OR1J2: variants seen among roughly 807,000 people sequenced by gnomAD.
OR1J2 encodes olfactory receptor family 1 subfamily J member 2, also known as olfactory receptor 1J2.
For missense variants in OR1J2, 304 were observed against 246.1 expected (o/e 1.24, Z -1.57); for synonymous variants, 142 against 99.7 (o/e 1.42, Z -2.52).
upstream of OR1J2, among the ~76,000 whole-genome samples, chr9:122,508,234 T>C (rs377215866): frequency 1.2e-4 from 18 of 150,588 alleles, no homozygotes; most frequent in East Asian, 3.1e-3. Context: ...AAGGAGAAGA[T>C]TAGGAAAAGG....
rs1318770090 is a variant in OR1J2 at position 122,511,307 on chromosome 9, G to A, written c.506G>A (p.Cys169Tyr). The A allele has an allele frequency of 1.4e-6, 1 of 731,412 alleles. No individual in the cohort carries two copies. Among genetic ancestry groups the A allele is most frequent in the Admixed American group, 1.9e-5 (1 of 51,782 alleles). The allele number at this position is 731,412 out of a possible 1,614,324, so 45.3% of individuals were successfully genotyped here. A position where few individuals can be genotyped will look rare whatever the true frequency, so the allele number is the denominator to read the frequency against. Reference sequence around the variant, plus strand: ...CTTCTCCTGACCCGGCTGTCTTTCTGTGCTGCGAACACCATCCCCCATGTC... The same window carrying A: ...CTTCTCCTGACCCGGCTGTCTTTCTATGCTGCGAACACCATCCCCCATGTC... The part of the protein sequence containing the change: ...HTLLLTRLSF[C>Y]AANTIPHVFC... The change falls in exon 1 of 1, where the codon TGT (cysteine) becomes TAT (tyrosine). Residue 169 changes from cysteine to tyrosine, a missense_variant. Cys to Tyr is a radical substitution (Grantham distance 194). Transcript: ENST00000335302.
upstream of OR1J2, among the ~76,000 whole-genome samples, chr9:122,509,245 C>T (rs2119376158): frequency 6.6e-6 from 1 of 152,264 alleles, no homozygotes; most frequent in Middle Eastern, 3.4e-3. Context: ...ATTCTGCTTA[C>T]CACAGCTGAC....
chr9:122,488,427 C>T, the OR1J2 span, among the ~76,000 whole-genome samples: 1 of 152,230 alleles, frequency 6.6e-6, no homozygotes, highest in Non-Finnish European at 1.5e-5. Context: ...GCGTGAGCCA[C>T]CGCTCCTGGC....
the OR1J2 span, among the ~76,000 whole-genome samples, chr9:122,564,154 C>T: frequency 4.1e-3 from 617 of 152,220 alleles, 2 homozygotes; most frequent in Middle Eastern, 0.01. Context: ...AGACACGAAA[C>T]ATCACTGTTG....
At chr9:122,479,437 A>G in the OR1J2 span, among the ~76,000 whole-genome samples, 1 of 152,224 alleles carries the variant, frequency 6.6e-6, no homozygotes, top group African/African-American at 2.4e-5. Flanking sequence ...ATGACATCAG[A>G]TGCTGTATTA....
At chr9:122,566,583 G>A in the OR1J2 span, among the ~76,000 whole-genome samples, 4 of 152,132 alleles carry the variant, frequency 2.6e-5, no homozygotes, top group South Asian at 8.3e-4. Context: ...TATGGAATTA[G>A]TCATAGCATC....
At chr9:122,530,462 C>T in the OR1J2 span, among the ~76,000 whole-genome samples, 30 of 152,320 alleles carry the variant, frequency 2.0e-4, no homozygotes, top group African/African-American at 6.7e-4. Flanking sequence ...CCCTAGTGCC[C>T]TGTTAGTGTT....
the OR1J2 span, chr9:122,553,493 C>A: frequency 6.2e-7 from 1 of 1,613,930 alleles, no homozygotes; most frequent in Non-Finnish European, 8.5e-7. Context: ...AGAGTCAGAT[C>A]ATCTCGTATT....
chr9:122,568,042 C>T, the OR1J2 span: 1 of 1,613,996 alleles, frequency 6.2e-7, no homozygotes, highest in Admixed American at 1.7e-5. Context: ...GAGAAGGCCA[C>T]CAGCAGGACA....
Position 122,511,422 on chromosome 9 carries a change from T to A in OR1J2, c.621T>A (p.Ile207=). ...LVMFTVGVVV[I]TLPFMCILVS... ...TGTTCACAGTAGGGGTGGTGGTCAT[T>A]ACCCTGCCATTCATGTGTATCCTGG... Residue 207 remains isoleucine (I), a synonymous_variant, in exon 1 of 1, where the codon ATT becomes ATA. Transcript: ENST00000335302. 1 of 772,526 alleles carries A rather than the reference T, an allele frequency of 1.3e-6. No individual in the cohort carries two copies. The highest frequency in any genetic ancestry group is 2.4e-6 in the Non-Finnish European group (1 of 414,250). The allele number at this position is 772,526 out of a possible 1,614,324, so 47.9% of individuals were successfully genotyped here.
the OR1J2 span, chr9:122,553,729 C>T: frequency 6.2e-7 from 1 of 1,613,430 alleles, no homozygotes; most frequent in Admixed American, 1.7e-5. Flanking sequence ...GCTTTCTGTG[C>T]CCAGAAAGCC....
chr9:122,556,685 G>GA, the OR1J2 span, among the ~76,000 whole-genome samples: 69 of 150,698 alleles, frequency 4.6e-4, no homozygotes, highest in South Asian at 0.013. Flanking sequence ...AAATTTAAAA[G>GA]AAAAAAAAAG....
At chr9:122,574,921 T>C in the OR1J2 span, among the ~76,000 whole-genome samples, 1 of 152,102 alleles carries the variant, frequency 6.6e-6, no homozygotes, top group Non-Finnish European at 1.5e-5. Flanking sequence ...GTGTTGGAGT[T>C]TGTCAAATGA....
chr9:122,571,120 T>A, the OR1J2 span, among the ~76,000 whole-genome samples: 20 of 152,332 alleles, frequency 1.3e-4, 1 homozygote, highest in South Asian at 4.1e-4. Context: ...AATACACAAC[T>A]GACAAACTTT....
the OR1J2 span, among the ~76,000 whole-genome samples, chr9:122,525,134 G>A: frequency 6.6e-6 from 1 of 152,170 alleles, no homozygotes; most frequent in Non-Finnish European, 1.5e-5. Context: ...CCCATTCAAG[G>A]ACTCTCTGAG....
the OR1J2 span, among the ~76,000 whole-genome samples, chr9:122,533,817 C>G: frequency 1.3e-5 from 2 of 151,984 alleles, no homozygotes; most frequent in East Asian, 3.9e-4. Flanking sequence ...ACGGACTTAC[C>G]CTCCACTCTG....
chr9:122,464,888 C>T, the OR1J2 span, among the ~76,000 whole-genome samples: 1 of 152,228 alleles, frequency 6.6e-6, no homozygotes, highest in South Asian at 2.1e-4. Flanking sequence ...AAAGTTATTT[C>T]TTTTAGAAAG....
upstream of OR1J2, among the ~76,000 whole-genome samples, chr9:122,508,133 A>G (rs1216863167): frequency 1.4e-5 from 2 of 143,930 alleles, no homozygotes; most frequent in African/African-American, 5.3e-5. Context: ...GGGGGGAGAG[A>G]GAGAGAGGGA....
the OR1J2 span, among the ~76,000 whole-genome samples, chr9:122,498,487 G>A: frequency 2.6e-5 from 4 of 152,244 alleles, no homozygotes; most frequent in African/African-American, 9.6e-5. Context: ...CAGAAACTCC[G>A]ACTGATTTCT....
Sources: allele counts gnomAD v4.1 joint callset (sites outside exome capture counted in the v4.1 genomes callset), GRCh38; gene constraint gnomAD v4.1.1; transcripts MANE v1.5; gene names NCBI Gene and HGNC (gene_info 2026-07-23, HGNC 2026-07-21).